The following FAM83A variants were observed in gnomAD, a reference collection of about 807,000 sequenced individuals.
The protein encoded by FAM83A is protein FAM83A.
Under a neutral mutation model 24.4 loss-of-function variants are expected in FAM83A, and 21 were observed. The observed-to-expected ratio is 0.86, with a 90% CI of 0.61 to 1.24. FAM83A has a LOEUF of 1.24. Ranked by LOEUF, FAM83A falls within the 50% of genes most tolerant of loss-of-function variation. FAM83A has a pLI of 0.00. For missense variants in FAM83A, 617 were observed against 579.8 expected (o/e 1.06, Z -0.66); for synonymous variants, 270 against 252.4 (o/e 1.07, Z -0.66).
At chr8:123,203,474 A>G (rs1167917700) in intron 3 of FAM83A, among the ~76,000 whole-genome samples, 2 of 151,518 alleles carry the variant, frequency 1.3e-5, no homozygotes, top group Admixed American at 6.6e-5. Flanking sequence ...TGTAGTCCCA[A>G]CTACTCGGGA....
chr8:123,182,316 G>A (rs1823621637), upstream of FAM83A: 2 of 357,438 alleles, frequency 5.6e-6, no homozygotes, highest in African/African-American at 2.1e-5. Flanking sequence ...CAGAGAGGGG[G>A]GCGCATCTCA....
chr8:123,207,565 C>CGCCGCT, exon 4 of FAM83A: 2 of 1,565,442 alleles, frequency 1.3e-6, no homozygotes, highest in Non-Finnish European at 1.7e-6. Flanking sequence ...ACGGCCCGCC[C>CGCCGCT]GCCGCTGTCT....
At chr8:123,203,416 T>C (rs1824426368) in intron 3 of FAM83A, among the ~76,000 whole-genome samples, 1 of 151,504 alleles carries the variant, frequency 6.6e-6, no homozygotes, top group Non-Finnish European at 1.5e-5. Flanking sequence ...GGTAAAATCC[T>C]GTCTCTACTA....
chr8:123,200,997 A>T (rs1287439583), intron 3 of FAM83A, among the ~76,000 whole-genome samples: 4 of 147,098 alleles, frequency 2.7e-5, no homozygotes, highest in Non-Finnish European at 4.5e-5. Flanking sequence ...ACATATATAC[A>T]AAAAAAAAAT....
chr8:123,209,167 C>T lies in FAM83A; in HGVS notation c.*1479C>T. 9.0e-7 allele frequency: 1 copy of T among 1,112,646 alleles called. No individual in the cohort carries two copies. The highest frequency in any genetic ancestry group is 1.1e-6 in the Non-Finnish European group (1 of 914,816). 68.9% of individuals were successfully genotyped at this position (1,112,646 alleles called of 1,614,324 possible). On this transcript the variant is annotated 3_prime_UTR_variant, in exon 4 of 4. Transcript: ENST00000690554. The surrounding 1 kb of genome is among the most constrained non-coding windows in gnomAD (Gnocchi z 4.7). ...CACATCCTTCTCCTGTTTCTAGGCC[C>T]TCTCCTCCCTTGTCGGTTTTTGGCG...
chr8:123,187,049 T>TGGTC (rs1823825100), intron 1 of FAM83A, among the ~76,000 whole-genome samples: 1 of 151,838 alleles, frequency 6.6e-6, no homozygotes, highest in Non-Finnish European at 1.5e-5. Flanking sequence ...ACGGAAGAGG[T>TGGTC]GGTCTCGGAG....
upstream of FAM83A, chr8:123,179,616 C>T (rs1337697867): frequency 6.6e-6 from 1 of 152,172 alleles, no homozygotes; most frequent in African/African-American, 2.4e-5. Flanking sequence ...GGATGAGTGG[C>T]ACTAACATGT....
At chr8:123,196,699 C>T (rs531314033) in intron 3 of FAM83A, among the ~76,000 whole-genome samples, 7 of 152,278 alleles carry the variant, frequency 4.6e-5, no homozygotes, top group South Asian at 2.1e-4. Flanking sequence ...CTATTAAGTT[C>T]GTCAAGGCTA....
chr8:123,207,178 C>A, exon 4 of FAM83A: 1 of 1,599,296 alleles, frequency 6.3e-7, no homozygotes, highest in Non-Finnish European at 8.5e-7. Flanking sequence ...TCTGCGGACA[C>A]GTGCACCGGA....
Position 123,209,265 on chromosome 8 carries a change from G to T in FAM83A, c.*1577G>T. ...CTCCTGGTGGCCTCTGACCCCTGAC[G>T]GCCTGTGGCATCCTCCCTAGTCCCC... On this transcript the variant is annotated 3_prime_UTR_variant, in exon 4 of 4. Transcript: ENST00000690554. The surrounding 1 kb of genome is among the most constrained non-coding windows in gnomAD (Gnocchi z 4.7). 7.8e-7 allele frequency: 1 copy of T among 1,285,500 alleles called. No homozygotes were observed. Among genetic ancestry groups the T allele is most frequent in the Non-Finnish European group, 9.8e-7 (1 of 1,023,742 alleles). 79.6% of individuals were successfully genotyped at this position (1,285,500 alleles called of 1,614,324 possible).
upstream of FAM83A, among the ~76,000 whole-genome samples, chr8:123,181,021 G>A (rs1204730367): frequency 2.0e-5 from 3 of 152,108 alleles, no homozygotes; most frequent in Non-Finnish European, 4.4e-5. Context: ...TTGGCTCATT[G>A]CAGCCTCTGC....
At chr8:123,208,665 C>T in exon 4 of FAM83A, 2 of 985,490 alleles carry the variant, frequency 2.0e-6, no homozygotes, top group Non-Finnish European at 2.4e-6. Context: ...GAGGGCACAG[C>T]CTAGCTGAGT....
At chr8:123,181,872 C>T (rs1472149160), upstream of FAM83A, 7 of 355,132 alleles carry the variant, frequency 2.0e-5, no homozygotes, top group Non-Finnish European at 4.0e-5. Flanking sequence ...ATCCTAGTCT[C>T]AGAGCCTGTT....
chr8:123,206,437 G>C (rs376087745), intron 3 of FAM83A, among the ~76,000 whole-genome samples: 2 of 152,128 alleles, frequency 1.3e-5, no homozygotes, highest in Non-Finnish European at 2.9e-5. Flanking sequence ...AACACAGTCC[G>C]GCTTCCCAAG....
At chr8:123,191,776 G>T in intron 1 of FAM83A, 27 bp from the exon 2 acceptor site, 1 of 1,610,638 alleles carries the variant, frequency 6.2e-7, no homozygotes, top group Non-Finnish European at 8.5e-7. Flanking sequence ...GACCTTTCTG[G>T]TAACTGAGCA....
Position 123,208,103 on chromosome 8 carries a change from C to A in FAM83A, c.*415C>A, listed in dbSNP as rs771354031. Reference sequence around the variant, plus strand: ...GATGGTAGTTTGGTACTTCTGGTTCCCAGTGCCCAGGAATGGTCCACTCCC... The same window carrying A: ...GATGGTAGTTTGGTACTTCTGGTTCACAGTGCCCAGGAATGGTCCACTCCC... On this transcript the variant is annotated 3_prime_UTR_variant, in exon 4 of 4. Coordinates refer to ENST00000690554, the Ensembl canonical transcript of FAM83A. 2.4e-4 allele frequency: 239 copies of A among 1,008,616 alleles called. 2 individuals are homozygous for A. The highest frequency in any genetic ancestry group is 2.7e-4 in the Non-Finnish European group (229 of 846,190). The allele number at this position is 1,008,616 out of a possible 1,614,324, so 62.5% of individuals were successfully genotyped here.
At chr8:123,204,793 G>C (rs958736564) in intron 3 of FAM83A, among the ~76,000 whole-genome samples, 59 of 150,794 alleles carry the variant, frequency 3.9e-4, no homozygotes, top group African/African-American at 1.4e-3. Context: ...ACGCCTCTCT[G>C]CTCATGGGCT....
At chr8:123,204,632 G>C (rs1824479080) in intron 3 of FAM83A, among the ~76,000 whole-genome samples, 2 of 151,938 alleles carry the variant, frequency 1.3e-5, no homozygotes, top group Admixed American at 6.6e-5. Context: ...CATGGTGGCG[G>C]GCGCCTGTAG....
At chr8:123,205,783 A>G (rs1563789913) in intron 3 of FAM83A, among the ~76,000 whole-genome samples, 2 of 151,986 alleles carry the variant, frequency 1.3e-5, no homozygotes, top group Non-Finnish European at 2.9e-5. Flanking sequence ...CAGAGTTTCA[A>G]GCATTGAGGG....
Sources: allele counts gnomAD v4.1 joint callset (sites outside exome capture counted in the v4.1 genomes callset), GRCh38; gene constraint gnomAD v4.1.1; non-coding constraint Gnocchi (gnomAD v3.1); transcripts MANE v1.5; gene names NCBI Gene and HGNC (gene_info 2026-07-23, HGNC 2026-07-21).